The following RAB18 variants were observed in gnomAD, a reference collection of about 807,000 sequenced individuals.
The protein encoded by RAB18 is ras-related protein Rab-18.
Under a neutral mutation model 28.5 loss-of-function variants are expected in RAB18, and 10 were observed. That is an observed-to-expected ratio of 0.35 (90% CI 0.22 to 0.60). The LOEUF is 0.60. Among genes scored for constraint, RAB18 ranks in the 20% least tolerant of loss-of-function variants. The probability of loss-of-function intolerance (pLI) is 0.78; values close to 1 mark genes in which losing one functional copy is unlikely to be tolerated. For synonymous variants in RAB18, 93 were observed against 86.9 expected (o/e 1.07, Z -0.39); for missense variants, 188 against 244.2 (o/e 0.77, Z 1.53).
chr10:27,515,369 TA>T (rs1178073152), intron 2 of RAB18, among the ~76,000 whole-genome samples: 11 of 152,182 alleles, frequency 7.2e-5, no homozygotes, highest in Middle Eastern at 3.2e-3. Context: ...CTTTAAAAAC[TA>T]TTTTCAAATA....
At chr10:27,537,768 C>A in intron 6 of RAB18, 108 bp from the exon 7 acceptor site, 1 of 944,040 alleles carries the variant, frequency 1.1e-6, no homozygotes, top group Non-Finnish European at 1.6e-6. Flanking sequence ...TGATTTGGAT[C>A]TTAATATATT....
rs192854882 is a variant in RAB18 at position 27,522,371 on chromosome 10, C to G, written c.125-4457C>G. 4.0e-3 allele frequency among the ~76,000 whole-genome samples: 612 copies of G among 152,186 alleles called. 4 individuals carry two copies. Among genetic ancestry groups the G allele is most frequent in the African/African-American group, 0.014 (578 of 41,538 alleles). On this transcript the variant is annotated intron_variant, in intron 2 of 6. Coordinates refer to ENST00000356940, the MANE Select transcript of RAB18 (RefSeq NM_021252.5). Reference sequence around the variant, plus strand: ...TTTTGTCTGATTTTAGAATAATTACCTTTGCTATCTTTTGGTTACTATTTG... The same window carrying G: ...TTTTGTCTGATTTTAGAATAATTACGTTTGCTATCTTTTGGTTACTATTTG...
chr10:27,509,763 A>C lies in RAB18; in HGVS notation c.69-112A>C. On this transcript the variant is annotated intron_variant, in intron 1 of 6. Transcript: ENST00000356940. ...GCAGTATTCCTAGGAACAGGCCTAC[A>C]TCAGTTATTTTTATCTGCATCTAAT... The C allele has an allele frequency of 8.3e-6, 7 of 846,912 alleles. No homozygotes were observed. The South Asian group carries it at 9.6e-5, about 12-fold the overall frequency. The allele number at this position is 846,912 out of a possible 1,614,324, so 52.5% of individuals were successfully genotyped here. A position where few individuals can be genotyped will look rare whatever the true frequency, so the allele number is the denominator to read the frequency against.
chr10:27,532,422 A>G, intron 3 of RAB18, 85 bp from the exon 4 acceptor site: 1 of 987,908 alleles, frequency 1.0e-6, no homozygotes, highest in Non-Finnish European at 1.6e-6. Flanking sequence ...ATTTTTAGTA[A>G]TGCTGTTTGA....
At chr10:27,524,613 A>T (rs1430877395) in intron 2 of RAB18, among the ~76,000 whole-genome samples, 2 of 152,250 alleles carry the variant, frequency 1.3e-5, no homozygotes, top group Non-Finnish European at 2.9e-5. Flanking sequence ...CAAATGAACA[A>T]GGAAAAGCTG....
At chr10:27,507,384 C>T (rs1349896702) in intron 1 of RAB18, among the ~76,000 whole-genome samples, 1 of 152,008 alleles carries the variant, frequency 6.6e-6, no homozygotes, top group Non-Finnish European at 1.5e-5. Flanking sequence ...ATTTCAAAAG[C>T]GAGGGGGTTG....
intron 2 of RAB18, among the ~76,000 whole-genome samples, chr10:27,519,834 A>G (rs1273550879): frequency 6.6e-6 from 1 of 152,172 alleles, no homozygotes; most frequent in Non-Finnish European, 1.5e-5. Context: ...TCTAAAATTC[A>G]CTAGGAAATG....
chr10:27,505,116 G>T (rs150266559), intron 1 of RAB18: 96 of 532,928 alleles, frequency 1.8e-4, no homozygotes, highest in Middle Eastern at 9.5e-4. Flanking sequence ...TGTGGAGACA[G>T]AAGATTAGTG....
rs1197338881 is a variant in RAB18 at position 27,541,362 on chromosome 10, T to A, written c.*3311T>A. On this transcript the variant is annotated 3_prime_UTR_variant, in exon 7 of 7. Coordinates refer to ENST00000356940, the MANE Select transcript of RAB18 (RefSeq NM_021252.5). ...CCCAGGTCTTTTTTTTTTTTTTTAA[T>A]TTTTCTCTCCTCAGTTGGGAACATC... 2.2e-6 allele frequency: 1 copy of A among 444,802 alleles called. No homozygotes were observed. The highest frequency in any genetic ancestry group is 4.5e-6 in the Non-Finnish European group (1 of 224,568). The allele number at this position is 444,802 out of a possible 1,614,324, so 27.6% of individuals were successfully genotyped here. A position where few individuals can be genotyped will look rare whatever the true frequency, so the allele number is the denominator to read the frequency against.
intron 1 of RAB18, among the ~76,000 whole-genome samples, chr10:27,506,725 T>C (rs1837848534): frequency 6.6e-6 from 1 of 152,158 alleles, no homozygotes. Flanking sequence ...CCTAAAGTGC[T>C]GGGATTACAG....
At position 27,538,735 on chromosome 10, in the gene RAB18, C is replaced by T. The variant is rs985722601; in HGVS notation, c.*684C>T. 1 of 453,958 alleles carries T rather than the reference C, an allele frequency of 2.2e-6. No individual in the cohort carries two copies. Among genetic ancestry groups the T allele is most frequent in the Non-Finnish European group, 4.4e-6 (1 of 226,780 alleles). 28.1% of individuals were successfully genotyped at this position (453,958 alleles called of 1,614,324 possible). A position where few individuals can be genotyped will look rare whatever the true frequency, so the allele number is the denominator to read the frequency against. On this transcript the variant is annotated 3_prime_UTR_variant, in exon 7 of 7. Coordinates refer to ENST00000356940, the MANE Select transcript of RAB18 (RefSeq NM_021252.5). Reference sequence around the variant, plus strand: ...TGTGATATGTACATTGGATTCATGACTGTGCAGCATTTTTAGTTATGTGGT... The same window carrying T: ...TGTGATATGTACATTGGATTCATGATTGTGCAGCATTTTTAGTTATGTGGT...
At chr10:27,512,446 C>T (rs1404809613) in intron 2 of RAB18, among the ~76,000 whole-genome samples, 1 of 152,094 alleles carries the variant, frequency 6.6e-6, no homozygotes, top group African/African-American at 2.4e-5. Flanking sequence ...GCTGGGACTA[C>T]AGGCATGCAC....
In RAB18 at chr10:27,541,856, C is replaced by T. The variant is rs1161485929; in HGVS notation, c.*3805C>T. On this transcript the variant is annotated 3_prime_UTR_variant, in exon 7 of 7. Coordinates refer to ENST00000356940, the MANE Select transcript of RAB18 (RefSeq NM_021252.5). ...CACCCCCACCCCTGCAAACAATTGG[C>T]ATGTGGTTTGGGTGGCATTGTCACA... 1 of 442,838 alleles carries T rather than the reference C, an allele frequency of 2.3e-6. No individual in the cohort carries two copies. The highest frequency in any genetic ancestry group is 4.5e-6 in the Non-Finnish European group (1 of 223,332). The allele number at this position is 442,838 out of a possible 1,614,324, so 27.4% of individuals were successfully genotyped here. A position where few individuals can be genotyped will look rare whatever the true frequency, so the allele number is the denominator to read the frequency against.
rs1311292761 is a variant in RAB18 at position 27,541,837 on chromosome 10, C to A, written c.*3786C>A. The A allele has an allele frequency of 1.3e-5, 5 of 371,730 alleles. No individual in the cohort carries two copies. The highest frequency in any genetic ancestry group is 8.8e-5 in the Admixed American group (3 of 34,118). The allele number at this position is 371,730 out of a possible 1,614,324, so 23.0% of individuals were successfully genotyped here. On this transcript the variant is annotated 3_prime_UTR_variant, in exon 7 of 7. Transcript: ENST00000356940. ...TCTCCCACCATACCACCCCCACCCC[C>A]ACCCCTGCAAACAATTGGCATGTGG... is the stretch of plus-strand genomic sequence containing the variant.
At chr10:27,513,709 A>G (rs1005714842) in intron 2 of RAB18, among the ~76,000 whole-genome samples, 36 of 152,192 alleles carry the variant, frequency 2.4e-4, no homozygotes, top group Non-Finnish European at 1.5e-5. Context: ...GGCTGGCTGC[A>G]TGTGGGAAGA....
intron 2 of RAB18, among the ~76,000 whole-genome samples, chr10:27,513,015 C>CATATATATATATATATAT (rs764170485): frequency 7.2e-6 from 1 of 138,132 alleles, no homozygotes; most frequent in African/African-American, 2.7e-5. Context: ...TAGGTAATAA[C>CATATATATATATATATAT]ATATATATAT....
At position 27,541,840 on chromosome 10, in the gene RAB18, C is replaced by A. The variant is rs1244216523; in HGVS notation, c.*3789C>A. Reference sequence around the variant, plus strand: ...CCCACCATACCACCCCCACCCCCACCCCTGCAAACAATTGGCATGTGGTTT... The same window carrying A: ...CCCACCATACCACCCCCACCCCCACACCTGCAAACAATTGGCATGTGGTTT... On this transcript the variant is annotated 3_prime_UTR_variant, in exon 7 of 7. Transcript: ENST00000356940. 2 of 359,426 alleles carry A rather than the reference C, an allele frequency of 5.6e-6. No individual in the cohort carries two copies. The highest frequency in any genetic ancestry group is 3.0e-5 in the Admixed American group (1 of 33,180). The allele number at this position is 359,426 out of a possible 1,614,324, so 22.3% of individuals were successfully genotyped here. A position where few individuals can be genotyped will look rare whatever the true frequency, so the allele number is the denominator to read the frequency against.
chr10:27,527,435 T>C (rs1834697567), intron 3 of RAB18, among the ~76,000 whole-genome samples: 1 of 152,112 alleles, frequency 6.6e-6, no homozygotes, highest in Admixed American at 6.5e-5. Flanking sequence ...CTCATGCTAG[T>C]GTCAAATAAG....
In RAB18 at chr10:27,524,845, C is replaced by T. The variant is rs12253703; in HGVS notation, c.125-1983C>T. 5.4e-3 allele frequency among the ~76,000 whole-genome samples: 820 copies of T among 152,296 alleles called. 4 individuals are homozygous for T. The highest frequency in any genetic ancestry group is 0.018 in the African/African-American group (762 of 41,556). On this transcript the variant is annotated intron_variant, in intron 2 of 6. Coordinates refer to ENST00000356940, the MANE Select transcript of RAB18 (RefSeq NM_021252.5). Reference sequence around the variant, plus strand: ...TGAGATCTGAAGAGCTCAATTGCTGCATGTGAGATTCACCAGAGGAACCTA... The same window carrying T: ...TGAGATCTGAAGAGCTCAATTGCTGTATGTGAGATTCACCAGAGGAACCTA...
Sources: gnomAD v4.1 joint callset for allele counts (sites outside exome capture counted in the v4.1 genomes callset) on GRCh38, gnomAD v4.1.1 for gene constraint, MANE v1.5 for transcripts, NCBI Gene and HGNC (gene_info 2026-07-23, HGNC 2026-07-21) for gene names.